HDAC9: variants seen among roughly 807,000 people sequenced by gnomAD.
HDAC9 encodes the protein histone deacetylase 9, also known as MEF-2 interacting transcription repressor (MITR) protein.
In HDAC9, 41 loss-of-function variants were observed where a neutral mutation model predicts 139.4. That is an observed-to-expected ratio of 0.29 (90% confidence interval 0.23 to 0.38). The LOEUF (loss-of-function observed/expected upper bound fraction) is 0.38, where lower values mean the gene tolerates loss of function less well. Among genes scored for constraint, HDAC9 ranks in the 10% least tolerant of loss-of-function variants. The pLI is 1.00. For missense variants in HDAC9, 1,147 were observed against 1,297.0 expected (o/e 0.88, Z 1.78); for synonymous variants, 517 against 476.2 (o/e 1.09, Z -1.12).
chr7:18,183,531 C>T (rs983447329), intron 2 of HDAC9, among the ~76,000 whole-genome samples: 29 of 152,254 alleles, frequency 1.9e-4, no homozygotes, highest in African/African-American at 6.7e-4. Flanking sequence ...TCCATTTTTT[C>T]ACCTTACTCC....
At chr7:18,825,280 C>T (rs974906578) in intron 17 of HDAC9, among the ~76,000 whole-genome samples, 2 of 152,152 alleles carry the variant, frequency 1.3e-5, no homozygotes, top group Non-Finnish European at 2.9e-5. Flanking sequence ...AAGACAAAGA[C>T]TTGGACTTGA....
chr7:18,924,170 G>T (rs909299214), intron 22 of HDAC9, among the ~76,000 whole-genome samples: 1 of 150,634 alleles, frequency 6.6e-6, no homozygotes, highest in Admixed American at 6.6e-5. Flanking sequence ...TATCCTATTG[G>T]GCTTATTAGA....
At chr7:18,730,971 C>A (rs1460977410) in intron 13 of HDAC9, among the ~76,000 whole-genome samples, 1 of 152,128 alleles carries the variant, frequency 6.6e-6, no homozygotes, top group African/African-American at 2.4e-5. Flanking sequence ...CACAGTCAAC[C>A]TGTCATCCAG....
chr7:18,206,242 G>T (rs1215877368), intron 2 of HDAC9, among the ~76,000 whole-genome samples: 1 of 152,130 alleles, frequency 6.6e-6, no homozygotes, highest in Non-Finnish European at 1.5e-5. Flanking sequence ...ACAAGGAGGG[G>T]ATTAAAGGCA....
At chr7:18,780,554 A>G (rs1562936105) in intron 16 of HDAC9, among the ~76,000 whole-genome samples, 1 of 152,018 alleles carries the variant, frequency 6.6e-6, no homozygotes, top group African/African-American at 2.4e-5. Context: ...CAAAGGAAGC[A>G]CCCAATGCTG....
At chr7:18,849,345 A>G (rs1797117655) in intron 21 of HDAC9, among the ~76,000 whole-genome samples, 1 of 152,228 alleles carries the variant, frequency 6.6e-6, no homozygotes, top group Non-Finnish European at 1.5e-5. Flanking sequence ...AACAGAATTA[A>G]CAAGAGAGGG....
At chr7:18,500,405 C>CA (rs1392072938) in intron 2 of HDAC9, among the ~76,000 whole-genome samples, 2 of 152,062 alleles carry the variant, frequency 1.3e-5, no homozygotes, top group African/African-American at 4.8e-5. Flanking sequence ...AGTAACTGAG[C>CA]AAAGAAAATG....
chr7:18,501,680 A>G (rs1038493189), intron 2 of HDAC9, among the ~76,000 whole-genome samples: 3 of 152,156 alleles, frequency 2.0e-5, no homozygotes, highest in African/African-American at 4.8e-5. Flanking sequence ...ATAGGAAGAA[A>G]TAAGGAAAGA....
chr7:18,351,683 A>G (rs1279151677), intron 1 of HDAC9, among the ~76,000 whole-genome samples: 3 of 152,228 alleles, frequency 2.0e-5, no homozygotes, highest in Non-Finnish European at 4.4e-5. Flanking sequence ...CTGTAAAAAA[A>G]GGTGAATGAT....
intron 6 of HDAC9, among the ~76,000 whole-genome samples, chr7:18,611,204 A>G (rs916060710): frequency 9.2e-5 from 14 of 152,170 alleles, no homozygotes; most frequent in Admixed American, 5.9e-4. Context: ...CCTACTTTAG[A>G]CACCACACTG....
chr7:18,825,657 C>T (rs984372966), intron 17 of HDAC9, among the ~76,000 whole-genome samples: 2 of 150,418 alleles, frequency 1.3e-5, no homozygotes, highest in Admixed American at 6.6e-5. Context: ...AGAAGAAAAA[C>T]GTGGGAGCTG....
chr7:18,304,338 G>A (rs1308713751), intron 1 of HDAC9, among the ~76,000 whole-genome samples: 2 of 152,174 alleles, frequency 1.3e-5, no homozygotes, highest in Non-Finnish European at 2.9e-5. Context: ...TACTGATAGA[G>A]CCAGGTTTTT....
intron 2 of HDAC9, among the ~76,000 whole-genome samples, chr7:18,255,416 C>T (rs1440273187): frequency 6.6e-6 from 1 of 151,982 alleles, no homozygotes; most frequent in African/African-American, 2.4e-5. Flanking sequence ...CATGTGACAG[C>T]CATAAGTCAG....
At chr7:18,686,834 A>G (rs1186989484) in intron 12 of HDAC9, among the ~76,000 whole-genome samples, 1 of 151,880 alleles carries the variant, frequency 6.6e-6, no homozygotes, top group Non-Finnish European at 1.5e-5. Flanking sequence ...AATCCTCATA[A>G]AATAATTCAA....
intron 1 of HDAC9, among the ~76,000 whole-genome samples, chr7:18,422,064 T>C (rs1789669819): frequency 1.3e-5 from 2 of 152,180 alleles, no homozygotes; most frequent in Admixed American, 1.3e-4. Context: ...TATTCTACTT[T>C]TACTCCATTT....
At chr7:18,684,982 G>A (rs111833109) in intron 12 of HDAC9, among the ~76,000 whole-genome samples, 67 of 151,936 alleles carry the variant, frequency 4.4e-4, no homozygotes, top group Non-Finnish European at 8.2e-4. Context: ...AGTTTTATGT[G>A]GTTTTCTTTT....
intron 2 of HDAC9, among the ~76,000 whole-genome samples, chr7:18,509,777 T>G (rs1800907862): frequency 6.6e-6 from 1 of 152,142 alleles, no homozygotes; most frequent in Non-Finnish European, 1.5e-5. Flanking sequence ...TCTCTCTCGA[T>G]CCTCATAGTC....
Position 18,720,107 on chromosome 7 carries a change from G to A in HDAC9, c.1732-7473G>A, listed in dbSNP as rs373360954. Reference sequence around the variant, plus strand: ...TCCTATATTAGGATATCTTCATAGAGTTTATATATGTGACCTTTGATGCAG... The same window carrying A: ...TCCTATATTAGGATATCTTCATAGAATTTATATATGTGACCTTTGATGCAG... On this transcript the variant is annotated intron_variant, in intron 12 of 25. Coordinates refer to ENST00000686413, the MANE Select transcript of HDAC9 (RefSeq NM_178425.4). Among the ~76,000 whole-genome samples, 280 of 152,160 alleles carry A rather than the reference G, an allele frequency of 1.8e-3. 13 individuals carry two copies. In the South Asian group the frequency reaches 0.052, roughly 28 times the overall value.
At chr7:18,859,633 T>C (rs1032202348) in intron 21 of HDAC9, among the ~76,000 whole-genome samples, 1 of 151,658 alleles carries the variant, frequency 6.6e-6, no homozygotes, top group Non-Finnish European at 1.5e-5. Context: ...ATACACACTT[T>C]TTCCAAAGAC....
Sources: gnomAD v4.1 joint callset for allele counts (sites outside exome capture counted in the v4.1 genomes callset) on GRCh38, gnomAD v4.1.1 for gene constraint, MANE v1.5 for transcripts, NCBI Gene and HGNC (gene_info 2026-07-23, HGNC 2026-07-21) for gene names.